KCNMA1: variants seen among roughly 807,000 people sequenced by gnomAD.
The protein encoded by KCNMA1 is potassium calcium-activated channel subfamily M alpha 1, also known as Calcium-activated potassium channel subunit alpha-1.
KCNMA1 carries 29 observed loss-of-function variants against 140.0 expected under a neutral mutation model. The ratio of observed to expected loss-of-function variants is 0.21; its 90% confidence interval spans 0.15 to 0.28. KCNMA1 has a LOEUF of 0.28. Among genes scored for constraint, KCNMA1 ranks in the 10% least tolerant of loss-of-function variants. The probability of loss-of-function intolerance (pLI) is 1.00; values close to 1 mark genes in which losing one functional copy is unlikely to be tolerated. For missense variants in KCNMA1, 880 were observed against 1,602.2 expected (o/e 0.55, Z 7.70); for synonymous variants, 612 against 611.9 (o/e 1.00, Z 0.00).
At chr10:77,438,035 A>G (rs1441261726) in intron 1 of KCNMA1, among the ~76,000 whole-genome samples, 3 of 152,070 alleles carry the variant, frequency 2.0e-5, no homozygotes, top group Admixed American at 1.3e-4. Context: ...TTGGGAATCT[A>G]TACTTTTTTA....
intron 1 of KCNMA1, among the ~76,000 whole-genome samples, chr10:77,418,341 G>T (rs908061993): frequency 1.3e-5 from 2 of 152,158 alleles, no homozygotes; most frequent in Non-Finnish European, 2.9e-5. Context: ...CCTGGACGTC[G>T]AGAGAGACTC....
rs2096771901 is a variant in KCNMA1, at chr10:77,089,714, A to AT, written c.1334+685dup. Among the ~76,000 whole-genome samples the AT allele has an allele frequency of 2.6e-5, 4 of 152,140 alleles. No individual in the cohort carries two copies. In the South Asian group the frequency reaches 8.3e-4, roughly 32 times the overall value. Reference sequence around the variant, plus strand: ...ATATGGATTAATTCATTTCATTCTCATCACAGCCCAACTAGGTAGGAACTA... The same window carrying AT: ...ATATGGATTAATTCATTTCATTCTCATTCACAGCCCAACTAGGTAGGAACTA... On this transcript the variant is annotated intron_variant, in intron 10 of 27. Transcript: ENST00000286628.
chr10:77,127,536 C>T (rs1048923743), intron 5 of KCNMA1, among the ~76,000 whole-genome samples: 1 of 151,256 alleles, frequency 6.6e-6, no homozygotes, highest in Non-Finnish European at 1.5e-5. Context: ...GCCTGTATTC[C>T]CACTGGATTG....
intron 3 of KCNMA1, among the ~76,000 whole-genome samples, chr10:77,248,001 C>G (rs758987001): frequency 2.0e-5 from 3 of 152,062 alleles, no homozygotes; most frequent in Non-Finnish European, 4.4e-5. Context: ...AAGAAAACGC[C>G]CTATGCTGGG....
At chr10:77,267,367 T>C (rs2063729160) in intron 2 of KCNMA1, among the ~76,000 whole-genome samples, 1 of 152,178 alleles carries the variant, frequency 6.6e-6, no homozygotes, top group South Asian at 2.1e-4. Flanking sequence ...AGAGCTTAAA[T>C]GCCCTGTATA....
chr10:77,082,985 A>C (rs1212536312), intron 12 of KCNMA1, among the ~76,000 whole-genome samples: 1 of 152,200 alleles, frequency 6.6e-6, no homozygotes, highest in Non-Finnish European at 1.5e-5. Flanking sequence ...CACTGATGGA[A>C]AGCAAAGACA....
intron 2 of KCNMA1, among the ~76,000 whole-genome samples, chr10:77,396,127 C>A (rs2096045059): frequency 6.6e-6 from 1 of 152,088 alleles, no homozygotes; most frequent in Non-Finnish European, 1.5e-5. Flanking sequence ...AAAACAATGC[C>A]AATAAAACTC....
chr10:77,502,637 A>G (rs1195905667), intron 1 of KCNMA1, among the ~76,000 whole-genome samples: 2 of 152,160 alleles, frequency 1.3e-5, no homozygotes, highest in Non-Finnish European at 1.5e-5. Context: ...ACTTCAGTCC[A>G]TCTGACAGCA....
At position 77,637,631 on chromosome 10, in the gene KCNMA1, A is replaced by G. The variant is rs949160991; in HGVS notation, c.12T>C (p.Gly4=). The G allele has an allele frequency of 1.3e-6, 2 of 1,518,230 alleles. No homozygotes were observed. Among genetic ancestry groups the G allele is most frequent in the African/African-American group, 1.4e-5 (1 of 70,830 alleles). 94.0% of individuals were successfully genotyped at this position (1,518,230 alleles called of 1,614,324 possible). MAN[G]GGGGGGSSGG... ...CGCTGCTGCCGCCGCCGCCGCCGCCACCATTTGCCATAGCTAGCAACGGGC... is the reference window on the plus strand; with the variant it reads ...CGCTGCTGCCGCCGCCGCCGCCGCCGCCATTTGCCATAGCTAGCAACGGGC... The change falls in exon 1 of 28, where the codon GGT becomes GGC. Residue 4 remains glycine (G), a synonymous_variant. Coordinates refer to ENST00000286628, the MANE Select transcript of KCNMA1 (RefSeq NM_001161352.2).
chr10:76,948,827 T>C (rs1212953521), intron 22 of KCNMA1: 2 of 424,722 alleles, frequency 4.7e-6, no homozygotes, highest in South Asian at 2.3e-5. Context: ...ACTATAAACA[T>C]CATAATATAA....
chr10:77,352,689 G>T (rs2093039573), intron 2 of KCNMA1, among the ~76,000 whole-genome samples: 1 of 152,056 alleles, frequency 6.6e-6, no homozygotes, highest in East Asian at 1.9e-4. Context: ...TGCTCCTTCT[G>T]TAGTGAGCAC....
rs897239314 is a variant in KCNMA1, at chr10:77,086,117, T to C, written c.1440+371A>G. Among the ~76,000 whole-genome samples the C allele has an allele frequency of 7.2e-5, 11 of 152,202 alleles. 1 individual carries two copies. Among genetic ancestry groups the C allele is most frequent in the African/African-American group, 1.9e-4 (8 of 41,454 alleles). On this transcript the variant is annotated intron_variant, in intron 11 of 27. Coordinates refer to ENST00000286628, the MANE Select transcript of KCNMA1 (RefSeq NM_001161352.2). ...GTAAATAATAGAAGTCAGAGCTATA[T>C]TGAGTCCAACTTAAGTGTTCAATAT...
chr10:77,563,433 C>T (rs778173579), intron 1 of KCNMA1, among the ~76,000 whole-genome samples: 1 of 152,144 alleles, frequency 6.6e-6, no homozygotes, highest in Non-Finnish European at 1.5e-5. Flanking sequence ...ATTACCCATC[C>T]TTTGATGCAT....
chr10:76,980,729 A>G (rs1266620660), intron 19 of KCNMA1: 1 of 152,164 alleles, frequency 6.6e-6, no homozygotes, highest in East Asian at 1.9e-4. Context: ...TATATAGGGC[A>G]GACACCCCAT....
chr10:77,073,181 C>T lies in KCNMA1; in HGVS notation c.1665G>A (p.Lys555=), dbSNP rs2096271472. Residue 555 remains lysine (K), a synonymous_variant, in exon 14 of 28, where the codon AAG becomes AAA. Transcript: ENST00000286628. The part of the protein sequence containing the change: ...GDDAICLAEL[K]LGFIAQSCLA... ...GGCAGCTCTGGGCTATGAAGCCCAA[C>T]TTCAACTCTGCGAGGCAGATTGCGT... The T allele has an allele frequency of 1.2e-6, 2 of 1,614,174 alleles. No individual in the cohort carries two copies. Among genetic ancestry groups the T allele is most frequent in the South Asian group, 2.2e-5 (2 of 91,084 alleles).
At chr10:77,185,575 T>C (rs1376531423) in intron 3 of KCNMA1, among the ~76,000 whole-genome samples, 1 of 151,708 alleles carries the variant, frequency 6.6e-6, no homozygotes, top group Non-Finnish European at 1.5e-5. Context: ...AACCAAAAGG[T>C]TGAAGCAGTA....
At chr10:77,635,473 T>G (rs528537183) in intron 1 of KCNMA1, 23 of 152,338 alleles carry the variant, frequency 1.5e-4, no homozygotes, top group African/African-American at 5.5e-4. Context: ...TGAGCTATCT[T>G]TCCCCTAAAG....
rs940388849 is a variant in KCNMA1, at chr10:76,914,918, G to A, written c.3016+18C>T. 1 of 1,546,014 alleles carries A rather than the reference G, an allele frequency of 6.5e-7. No homozygotes were observed. The highest frequency in any genetic ancestry group is 8.9e-7 in the Non-Finnish European group (1 of 1,118,304). ...AGACAGAACAAAAACTCCCCCCAAA[G>A]CTGACATTGACCCCTACCTAGTTCA... On this transcript the variant is annotated intron_variant, in intron 24 of 27. Coordinates refer to ENST00000286628, the MANE Select transcript of KCNMA1 (RefSeq NM_001161352.2).
At chr10:77,059,128 T>C (rs2095647622) in intron 14 of KCNMA1, among the ~76,000 whole-genome samples, 1 of 151,932 alleles carries the variant, frequency 6.6e-6, no homozygotes, top group Non-Finnish European at 1.5e-5. Flanking sequence ...TTCAAAAACT[T>C]TGAATTGTCA....
Sources: allele counts gnomAD v4.1 joint callset (sites outside exome capture counted in the v4.1 genomes callset), GRCh38; gene constraint gnomAD v4.1.1; transcripts MANE v1.5; gene names NCBI Gene and HGNC (gene_info 2026-07-23, HGNC 2026-07-21).